NOX5: variants seen among roughly 807,000 people sequenced by gnomAD.
NOX5 encodes NADPH oxidase, EF-hand calcium binding domain 5.
In NOX5, 76 loss-of-function variants were observed where a neutral mutation model predicts 85.7. The ratio of observed to expected loss-of-function variants is 0.89; its 90% confidence interval spans 0.74 to 1.07. The LOEUF (loss-of-function observed/expected upper bound fraction) is 1.07, where lower values mean the gene tolerates loss of function less well. NOX5 is among the 50% of genes least tolerant of loss of function. The pLI is 0.00. For missense variants in NOX5, 973 were observed against 999.5 expected (o/e 0.97, Z 0.36); for synonymous variants, 405 against 401.4 (o/e 1.01, Z -0.11).
intron 10 of NOX5, among the ~76,000 whole-genome samples, chr15:69,044,632 G>A (rs2050639712): frequency 6.6e-6 from 1 of 152,180 alleles, no homozygotes; most frequent in Non-Finnish European, 1.5e-5. Context: ...CAGTCAAGAT[G>A]TAGTAAGTGG....
chr15:69,033,758 G>A (rs1456346170), intron 5 of NOX5, among the ~76,000 whole-genome samples: 2 of 139,648 alleles, frequency 1.4e-5, no homozygotes, highest in East Asian at 2.2e-4. Context: ...GGAATGGCAC[G>A]ATCTCAGCTC....
At chr15:69,041,460 T>C (rs1182373951) in intron 9 of NOX5, among the ~76,000 whole-genome samples, 1 of 152,220 alleles carries the variant, frequency 6.6e-6, no homozygotes, top group Admixed American at 6.5e-5. Flanking sequence ...ATTTAGCATT[T>C]TCTTCAATGA....
At position 69,031,624 on chromosome 15, in the gene NOX5, T is replaced by C; in HGVS notation, c.432T>C (p.Asp144=). The C allele has an allele frequency of 6.2e-7, 1 of 1,613,376 alleles. No individual in the cohort carries two copies. Among genetic ancestry groups the C allele is most frequent in the Non-Finnish European group, 8.5e-7 (1 of 1,180,000 alleles). ...LGTGSGSIDP[D]ELRTVLQSCL... is the part of the protein sequence containing the mutation. ...CAGGCAGTGGCTCCATTGACCCGGA[T>C]GAGCTGCGCACTGTGCTGCAGTCGT... is the stretch of plus-strand genomic sequence containing the variant. The change falls in exon 4 of 16, where the codon GAT becomes GAC. Residue 144 remains aspartate (D), a synonymous_variant. Transcript: ENST00000388866.
At chr15:69,021,241 T>A (rs888316299) in intron 1 of NOX5, among the ~76,000 whole-genome samples, 5 of 152,248 alleles carry the variant, frequency 3.3e-5, no homozygotes, top group Non-Finnish European at 7.3e-5. Context: ...CTAAGATGGT[T>A]TACCATTGGG....
In NOX5 at chr15:69,035,902, C is replaced by A. The variant is rs2050510073; in HGVS notation, c.1154C>A (p.Ser385Tyr). 1 of 1,614,048 alleles carries A rather than the reference C, an allele frequency of 6.2e-7. No homozygotes were observed. The highest frequency in any genetic ancestry group is 1.7e-5 in the Admixed American group (1 of 60,006). ...CTGCTCCTCCTCATGTTCATCTGCT[C>A]CAGTTCCTGCATCCGCAGGAGTGGC... is the stretch of plus-strand genomic sequence containing the variant. ...LLLLLLMFIC[S>Y]SSCIRRSGHF... The change falls in exon 7 of 16, where the codon TCC (serine) becomes TAC (tyrosine). Residue 385 changes from serine (S) to tyrosine (Y), a missense_variant. By Grantham distance (144) the Ser-to-Tyr change is moderately radical (BLOSUM62 -2). Coordinates refer to ENST00000388866, the MANE Select transcript of NOX5 (RefSeq NM_024505.4).
chr15:69,033,821 G>A (rs901744572), intron 5 of NOX5, among the ~76,000 whole-genome samples: 3 of 149,420 alleles, frequency 2.0e-5, no homozygotes, highest in African/African-American at 7.4e-5. Flanking sequence ...CAGCCTCCCC[G>A]TAGCTGGAAT....
chr15:69,059,139 G>C lies in NOX5; in HGVS notation c.*2443G>C, dbSNP rs1239965182. On this transcript the variant is annotated 3_prime_UTR_variant, in exon 16 of 16. Coordinates refer to ENST00000388866, the MANE Select transcript of NOX5 (RefSeq NM_024505.4). ...TCGTTTAGGACTTAATAATATAGTG[G>C]GTGGGAGCAGGTGGAAGGACTTGGA... is the stretch of plus-strand genomic sequence containing the variant. 6.6e-6 allele frequency: 1 copy of C among 152,200 alleles called. No individual in the cohort carries two copies. Among genetic ancestry groups the C allele is most frequent in the Non-Finnish European group, 1.5e-5 (1 of 68,044 alleles). The allele number at this position is 152,200 out of a possible 1,614,324, so 9.4% of individuals were successfully genotyped here. A position where few individuals can be genotyped will look rare whatever the true frequency, so the allele number is the denominator to read the frequency against.
chr15:69,028,364 T>C lies in NOX5; in HGVS notation c.324T>C (p.Asp108=), dbSNP rs944825225. Residue 108 remains aspartate (D), a splice_region_variant and synonymous_variant, in exon 3 of 16, where the codon GAT becomes GAC. Transcript: ENST00000388866. ...LKFLFQVYDI[D]VCARQGASAG... is the part of the protein sequence containing the mutation. ...TCCTCTTCCAGGTGTATGACATCGA[T>C]GGTAAGGGCTCTTCCTGGGTGTGGG... 6.3e-7 allele frequency: 1 copy of C among 1,595,212 alleles called. No homozygotes were observed. Among genetic ancestry groups the C allele is most frequent in the Non-Finnish European group, 8.6e-7 (1 of 1,169,584 alleles).
At chr15:69,044,451 A>G (rs960368335) in intron 10 of NOX5, among the ~76,000 whole-genome samples, 1 of 152,328 alleles carries the variant, frequency 6.6e-6, no homozygotes, top group South Asian at 2.1e-4. Flanking sequence ...AGGGATGGGA[A>G]AAGTGCTATT....
rs1657662838 is a variant in NOX5, at chr15:69,038,956, C to T, written c.1471C>T (p.Pro491Ser). ...IPTIARYEWH[P>S]FTISSAPEQK... ...CACCATTGCTCGCTATGAGTGGCAC[C>T]CCTTCACCATCAGCAGTGCTCCTGA... Residue 491 changes from proline (P) to serine (S), a missense_variant, in exon 9 of 16, where the codon CCC (proline) becomes TCC (serine). Physicochemically the swap from Pro to Ser is moderately conservative, Grantham distance 74. Coordinates refer to ENST00000388866, the MANE Select transcript of NOX5 (RefSeq NM_024505.4). 3 of 1,613,970 alleles carry T rather than the reference C, an allele frequency of 1.9e-6. No individual in the cohort carries two copies. The highest frequency in any genetic ancestry group is 1.7e-5 in the Admixed American group (1 of 59,984).
rs1329600394 is a variant in NOX5, at chr15:69,031,534, G to T, written c.342G>T (p.Gly114=). The T allele has an allele frequency of 6.2e-7, 1 of 1,608,718 alleles. No homozygotes were observed. Among genetic ancestry groups the T allele is most frequent in the East Asian group, 2.2e-5 (1 of 44,766 alleles). ...TTCTTGCAGTGTGTGCACGGCAGGG[G>T]GCGTCTGCAGGTACAGAGTGGGGTG... The part of the protein sequence containing the change: ...VYDIDVCARQ[G]ASAGTEWGAG... The change falls in exon 4 of 16, where the codon GGG becomes GGT. Residue 114 remains glycine, a synonymous_variant. Coordinates refer to ENST00000388866, the MANE Select transcript of NOX5 (RefSeq NM_024505.4).
At chr15:69,032,727 C>A (rs1472191659) in intron 4 of NOX5, among the ~76,000 whole-genome samples, 1 of 152,224 alleles carries the variant, frequency 6.6e-6, no homozygotes, top group Non-Finnish European at 1.5e-5. Flanking sequence ...TGCCTATTAA[C>A]TTTCTTGGGG....
intron 14 of NOX5, among the ~76,000 whole-genome samples, chr15:69,053,232 G>T (rs2050771055): frequency 6.6e-6 from 1 of 152,142 alleles, no homozygotes; most frequent in Non-Finnish European, 1.5e-5. Flanking sequence ...AGGACCTTGG[G>T]CATATTATTT....
At chr15:69,043,997 AAC>A (rs1166984479) in intron 10 of NOX5, among the ~76,000 whole-genome samples, 1 of 152,210 alleles carries the variant, frequency 6.6e-6, no homozygotes. Context: ...CATCCTGGCC[AAC>A]ATGGTGAAAC....
chr15:69,024,436 G>A lies in NOX5; in HGVS notation c.51-2092G>A, dbSNP rs141400805. On this transcript the variant is annotated intron_variant, in intron 1 of 15. Coordinates refer to ENST00000388866, the MANE Select transcript of NOX5 (RefSeq NM_024505.4). ...GCCTGATGAAATCTTGAGCCTTTCT[G>A]CTCTGTCCCACCTTGGTTCAGTGAA... is the stretch of plus-strand genomic sequence containing the variant. Among the ~76,000 whole-genome samples the A allele has an allele frequency of 1.4e-4, 22 of 152,094 alleles. 1 individual carries two copies. Among genetic ancestry groups the A allele is most frequent in the African/African-American group, 4.8e-4 (20 of 41,442 alleles).
At position 69,048,939 on chromosome 15, in the gene NOX5, T is replaced by G. The variant is rs1450054452; in HGVS notation, c.1900-20T>G. On this transcript the variant is annotated intron_variant, in intron 13 of 15. Transcript: ENST00000388866. Reference sequence around the variant, plus strand: ...AATCAGGGAGACCCAGCCTCTGAGCTGAAGGGCCTCTCTCCGTAGGTGGAC... The same window carrying G: ...AATCAGGGAGACCCAGCCTCTGAGCGGAAGGGCCTCTCTCCGTAGGTGGAC... The G allele has an allele frequency of 6.3e-7, 1 of 1,595,620 alleles. No homozygotes were observed.
rs1355397323 is a variant in NOX5, at chr15:69,059,167, T to A, written c.*2471T>A. 1 of 152,228 alleles carries A rather than the reference T, an allele frequency of 6.6e-6. No homozygotes were observed. Among genetic ancestry groups the A allele is most frequent in the Admixed American group, 6.5e-5 (1 of 15,284 alleles). The allele number at this position is 152,228 out of a possible 1,614,324, so 9.4% of individuals were successfully genotyped here. On this transcript the variant is annotated 3_prime_UTR_variant, in exon 16 of 16. Transcript: ENST00000388866. ...GGGAGCAGGTGGAAGGACTTGGACA[T>A]ACGATTCTAAAATCCGTGAATGCCC...
intron 1 of NOX5, among the ~76,000 whole-genome samples, chr15:69,024,732 AG>A (rs2050335319): frequency 6.6e-6 from 1 of 152,178 alleles, no homozygotes; most frequent in Non-Finnish European, 1.5e-5. Context: ...TAGTCTATAT[AG>A]GGTTTGCTAC....
At chr15:69,043,781 G>A (rs2050626650) in intron 10 of NOX5, among the ~76,000 whole-genome samples, 1 of 152,108 alleles carries the variant, frequency 6.6e-6, no homozygotes, top group Non-Finnish European at 1.5e-5. Context: ...AGTCACCTCT[G>A]CCACTATAAA....
Sources: gnomAD v4.1 joint callset for allele counts (sites outside exome capture counted in the v4.1 genomes callset) on GRCh38, gnomAD v4.1.1 for gene constraint, MANE v1.5 for transcripts, NCBI Gene and HGNC (gene_info 2026-07-23, HGNC 2026-07-21) for gene names.